The following RIMBP2 variants were observed in gnomAD, a reference collection of about 807,000 sequenced individuals.
The protein encoded by RIMBP2 is RIMS binding protein 2.
Under a neutral mutation model 118.6 loss-of-function variants are expected in RIMBP2, and 48 were observed. The ratio of observed to expected loss-of-function variants is 0.40; its 90% CI spans 0.32 to 0.51. The LOEUF is 0.51. Ranked by LOEUF, RIMBP2 falls within the 20% of genes least tolerant of loss-of-function variation. The probability of loss-of-function intolerance (pLI) is 0.41; values close to 1 mark genes in which losing one functional copy is unlikely to be tolerated. For missense variants in RIMBP2, 1,551 were observed against 1,768.3 expected (o/e 0.88, Z 2.20); for synonymous variants, 762 against 742.9 (o/e 1.03, Z -0.42).
At chr12:130,707,113 G>A (rs76517719) in intron 1 of RIMBP2, among the ~76,000 whole-genome samples, 2,504 of 152,298 alleles carry the variant, frequency 0.016, 75 homozygotes, top group African/African-American at 0.057. Flanking sequence ...AGCAGGCCGG[G>A]GTATACACAG....
intron 1 of RIMBP2, among the ~76,000 whole-genome samples, chr12:130,647,888 T>TAG (rs1324135629): frequency 6.8e-6 from 1 of 146,088 alleles, no homozygotes; most frequent in Non-Finnish European, 1.6e-5. Context: ...TTCTCCCCGC[T>TAG]AGACGCCCTG....
chr12:130,666,979 G>A (rs2063947374), intron 1 of RIMBP2, among the ~76,000 whole-genome samples: 1 of 79,650 alleles, frequency 1.3e-5, no homozygotes, highest in Admixed American at 1.1e-4. Flanking sequence ...AGGAAGAAGG[G>A]AGGGACAGAG....
chr12:130,400,488 A>T (rs1202421596), intron 21 of RIMBP2, among the ~76,000 whole-genome samples: 1 of 152,152 alleles, frequency 6.6e-6, no homozygotes, highest in Non-Finnish European at 1.5e-5. Flanking sequence ...CCTGCTGGTC[A>T]TCTGCACCAA....
intron 2 of RIMBP2, among the ~76,000 whole-genome samples, chr12:130,589,575 T>G (rs930272673): frequency 6.6e-6 from 1 of 152,170 alleles, no homozygotes; most frequent in African/African-American, 2.4e-5. Context: ...ACCAAATGAC[T>G]GACGGATGGA....
intron 1 of RIMBP2, among the ~76,000 whole-genome samples, chr12:130,657,441 C>T (rs1318761064): frequency 6.6e-6 from 1 of 152,170 alleles, no homozygotes; most frequent in Non-Finnish European, 1.5e-5. Flanking sequence ...AAGCAGGCCC[C>T]GGGAGGAGAA....
Position 130,457,635 on chromosome 12 carries a change from T to C in RIMBP2, c.154-935A>G, listed in dbSNP as rs115130789. Among the ~76,000 whole-genome samples the C allele has an allele frequency of 4.9e-3, 740 of 152,358 alleles. 5 individuals are homozygous for C. The highest frequency in any genetic ancestry group is 0.017 in the African/African-American group (698 of 41,590). ...TCACCCCGCGTTCCTTTCTCCACTG[T>C]GCTGACCGCCCCCCGGCACTGCAGT... On this transcript the variant is annotated intron_variant, in intron 6 of 22. Transcript: ENST00000690449.
intron 1 of RIMBP2, among the ~76,000 whole-genome samples, chr12:130,632,176 T>G (rs1481748385): frequency 4.6e-5 from 7 of 152,192 alleles, no homozygotes; most frequent in African/African-American, 1.7e-4. Flanking sequence ...TGCAAACAAA[T>G]CAAGGCAGAC....
intron 1 of RIMBP2, among the ~76,000 whole-genome samples, chr12:130,673,558 C>T (rs1297294493): frequency 1.3e-5 from 2 of 152,050 alleles, no homozygotes; most frequent in Non-Finnish European, 2.9e-5. Flanking sequence ...GCCAGGTGGG[C>T]GTGCCACTTG....
At chr12:130,611,571 G>A (rs751352223) in intron 2 of RIMBP2, among the ~76,000 whole-genome samples, 25 of 152,200 alleles carry the variant, frequency 1.6e-4, no homozygotes, top group African/African-American at 3.1e-4. Flanking sequence ...CGTCTCCTGC[G>A]GAGAGGATTT....
At chr12:130,589,183 C>T (rs1331706600) in intron 2 of RIMBP2, among the ~76,000 whole-genome samples, 1 of 152,204 alleles carries the variant, frequency 6.6e-6, no homozygotes, top group Non-Finnish European at 1.5e-5. Flanking sequence ...CAGGAAGACC[C>T]TGGCAGGGCT....
chr12:130,522,016 A>G (rs1225002026), intron 2 of RIMBP2, among the ~76,000 whole-genome samples: 1 of 152,182 alleles, frequency 6.6e-6, no homozygotes, highest in Non-Finnish European at 1.5e-5. Context: ...AGCCACAAAA[A>G]GGAAGGGCAC....
intron 2 of RIMBP2, among the ~76,000 whole-genome samples, chr12:130,589,708 C>A (rs912797334): frequency 6.6e-6 from 1 of 152,178 alleles, no homozygotes; most frequent in Non-Finnish European, 1.5e-5. Flanking sequence ...ACAGTGTACC[C>A]TTATAGACAT....
At chr12:130,478,070 A>AGAC (rs2081596726) in intron 5 of RIMBP2, among the ~76,000 whole-genome samples, 5 of 152,276 alleles carry the variant, frequency 3.3e-5, no homozygotes, top group Admixed American at 3.3e-4. Flanking sequence ...ATCTGGAGAG[A>AGAC]GACAGCAGGA....
intron 2 of RIMBP2, among the ~76,000 whole-genome samples, chr12:130,555,632 A>C (rs2056276360): frequency 6.6e-6 from 1 of 152,208 alleles, no homozygotes; most frequent in South Asian, 2.1e-4. Context: ...ATCTAATAAA[A>C]GATCTATCCG....
rs762805007 is a variant in RIMBP2 at position 130,407,826 on chromosome 12, C to G, written c.3593G>C (p.Arg1198Thr). 1 of 1,613,616 alleles carries G rather than the reference C, an allele frequency of 6.2e-7. No individual in the cohort carries two copies. The highest frequency in any genetic ancestry group is 8.5e-7 in the Non-Finnish European group (1 of 1,179,522). The change falls in exon 20 of 23, where the codon AGA (arginine) becomes ACA (threonine). Residue 1198 changes from arginine (R) to threonine (T), a missense_variant. This residue lies in a region of RIMBP2 where 1,038 missense variants were observed against 1,125.1 expected (regional missense o/e 0.92). Coordinates refer to ENST00000690449, the MANE Select transcript of RIMBP2 (RefSeq NM_001393629.1). ...ATGACGCCTGCCACTTCTCCTGCTT[C>G]TCTCTGTTCAGATCACAAGGGGGAA... Reference protein sequence around the residue: ...PLNTPVEKIERSRRSGRRHSV... With the variant: ...PLNTPVEKIETSRRSGRRHSV...
chr12:130,441,973 T>G lies in RIMBP2; in HGVS notation c.1379A>C (p.Asn460Thr). 6.2e-7 allele frequency: 1 copy of G among 1,614,150 alleles called. No homozygotes were observed. The highest frequency in any genetic ancestry group is 8.5e-7 in the Non-Finnish European group (1 of 1,180,036). The part of the protein sequence containing the change: ...KAARYKYQFF[N>T]LRPNMAYKVK... Reference sequence around the variant, plus strand: ...CTTATAGGCCATGTTGGGCCTGAGATTGAAGAACTGGTACTTGTACCTGGC... The same window carrying G: ...CTTATAGGCCATGTTGGGCCTGAGAGTGAAGAACTGGTACTTGTACCTGGC... The change falls in exon 11 of 23, where the codon AAT becomes ACT. Residue 460 changes from asparagine to threonine, a missense_variant. Around this residue, in one of 5 missense-constraint regions of RIMBP2, gnomAD observed 265 missense variants for 349.5 expected, o/e 0.76. Transcript: ENST00000690449.
intron 3 of RIMBP2, among the ~76,000 whole-genome samples, chr12:130,509,021 GA>G (rs1260663661): frequency 6.6e-6 from 1 of 152,052 alleles, no homozygotes; most frequent in Non-Finnish European, 1.5e-5. Flanking sequence ...ACATGATCAA[GA>G]AATGATGGAT....
chr12:130,403,927 C>T (rs888749979), intron 21 of RIMBP2, among the ~76,000 whole-genome samples: 2 of 152,116 alleles, frequency 1.3e-5, no homozygotes, highest in Admixed American at 6.5e-5. Context: ...ATACTTTCTC[C>T]GTATTATAAA....
intron 1 of RIMBP2, among the ~76,000 whole-genome samples, chr12:130,663,637 T>A (rs1057124090): frequency 6.6e-6 from 1 of 151,732 alleles, no homozygotes; most frequent in African/African-American, 2.4e-5. Flanking sequence ...TGAGATACTC[T>A]CAAACTGGCA....
Sources: allele counts gnomAD v4.1 joint callset (sites outside exome capture counted in the v4.1 genomes callset), GRCh38; gene constraint gnomAD v4.1.1; regional missense constraint gnomAD v4.1.1; transcripts MANE v1.5; gene names NCBI Gene and HGNC (gene_info 2026-07-23, HGNC 2026-07-21).